Variants in TLL1 observed in about 807,000 individuals in gnomAD.
The protein encoded by TLL1 is tolloid-like protein 1.
TLL1 carries 49 observed loss-of-function variants against 128.2 expected under a neutral mutation model. The observed-to-expected ratio is 0.38, with a 90% confidence interval of 0.30 to 0.48. TLL1 has a LOEUF of 0.48. Among genes scored for constraint, TLL1 ranks in the 20% least tolerant of loss-of-function variants. The probability of loss-of-function intolerance (pLI) is 0.96; values close to 1 mark genes in which losing one functional copy is unlikely to be tolerated. For missense variants in TLL1, 1,123 were observed against 1,242.0 expected (o/e 0.90, Z 1.44); for synonymous variants, 454 against 418.8 (o/e 1.08, Z -1.03).
chr4:166,014,073 A>G (rs1217228508), intron 7 of TLL1, among the ~76,000 whole-genome samples: 1 of 151,918 alleles, frequency 6.6e-6, no homozygotes, highest in Non-Finnish European at 1.5e-5. Context: ...ATAGACCTCT[A>G]TGAGGAATCA....
chr4:165,907,434 G>A (rs952670487), intron 1 of TLL1, among the ~76,000 whole-genome samples: 4 of 152,154 alleles, frequency 2.6e-5, no homozygotes, highest in African/African-American at 9.7e-5. Flanking sequence ...GGAATTAAAA[G>A]GGTAGCTTGT....
chr4:166,081,174 C>T (rs1176394412), intron 18 of TLL1, among the ~76,000 whole-genome samples: 1 of 152,120 alleles, frequency 6.6e-6, no homozygotes, highest in Non-Finnish European at 1.5e-5. Context: ...GCATTTGATC[C>T]TGAATCCAGG....
Position 165,968,390 on chromosome 4 carries a change from A to G in TLL1, c.170-20991A>G, listed in dbSNP as rs73863511. Reference sequence around the variant, plus strand: ...AAGGATTTCAGAATACACTTTTTCTATTCCTATTGCCAATTCTGAATTCTT... The same window carrying G: ...AAGGATTTCAGAATACACTTTTTCTGTTCCTATTGCCAATTCTGAATTCTT... On this transcript the variant is annotated intron_variant, in intron 1 of 20. Coordinates refer to ENST00000061240, the MANE Select transcript of TLL1 (RefSeq NM_012464.5). Among the ~76,000 whole-genome samples the G allele has an allele frequency of 5.2e-3, 790 of 152,318 alleles. 12 individuals are homozygous for G. The highest frequency in any genetic ancestry group is 0.018 in the African/African-American group (735 of 41,576).
chr4:166,100,147 T>C (rs1287849483), intron 20 of TLL1, among the ~76,000 whole-genome samples: 4 of 152,138 alleles, frequency 2.6e-5, no homozygotes, highest in Non-Finnish European at 4.4e-5. Flanking sequence ...TTAATATTTA[T>C]ATATTTATAG....
At chr4:166,067,240 T>C (rs1330609685) in intron 16 of TLL1, among the ~76,000 whole-genome samples, 1 of 151,806 alleles carries the variant, frequency 6.6e-6, no homozygotes, top group African/African-American at 2.4e-5. Flanking sequence ...TAGTCATATA[T>C]TTAATTTTAA....
At chr4:166,086,117 C>T (rs1393495267) in intron 18 of TLL1, among the ~76,000 whole-genome samples, 1 of 152,004 alleles carries the variant, frequency 6.6e-6, no homozygotes, top group Non-Finnish European at 1.5e-5. Context: ...CCTATGTGCC[C>T]TTTGTGAGAT....
intron 7 of TLL1, 68 bp from the exon 8 acceptor site, chr4:166,014,368 A>T: frequency 6.2e-7 from 1 of 1,606,670 alleles, no homozygotes; most frequent in Non-Finnish European, 8.5e-7. Context: ...TAAATACCTT[A>T]TAAATGTAAG....
At chr4:165,956,371 A>C (rs1734791262) in intron 1 of TLL1, among the ~76,000 whole-genome samples, 1 of 152,008 alleles carries the variant, frequency 6.6e-6, no homozygotes, top group Non-Finnish European at 1.5e-5. Flanking sequence ...CCTTATCTCA[A>C]CCACGTAAGA....
At chr4:165,984,528 C>T (rs921254752) in intron 1 of TLL1, among the ~76,000 whole-genome samples, 2 of 151,980 alleles carry the variant, frequency 1.3e-5, no homozygotes, top group Non-Finnish European at 2.9e-5. Flanking sequence ...TGAGCAAGAC[C>T]GGTCAGAGCA....
At chr4:165,893,416 T>G (rs1448749634) in intron 1 of TLL1, among the ~76,000 whole-genome samples, 1 of 152,188 alleles carries the variant, frequency 6.6e-6, no homozygotes, top group African/African-American at 2.4e-5. Context: ...CGTTGAGGAA[T>G]CCAGGCAGAG....
intron 1 of TLL1, among the ~76,000 whole-genome samples, chr4:165,982,969 A>G (rs1223720779): frequency 6.6e-6 from 1 of 151,870 alleles, no homozygotes; most frequent in Non-Finnish European, 1.5e-5. Context: ...ATATAAATAA[A>G]CTAAATCTTG....
chr4:166,092,475 G>A (rs1318313583), intron 19 of TLL1, among the ~76,000 whole-genome samples: 1 of 151,848 alleles, frequency 6.6e-6, no homozygotes, highest in East Asian at 1.9e-4. Flanking sequence ...ATCTTACATG[G>A]ACCAGAGAAA....
intron 1 of TLL1, among the ~76,000 whole-genome samples, chr4:165,900,584 G>A (rs1731936981): frequency 6.6e-6 from 1 of 152,190 alleles, no homozygotes; most frequent in Admixed American, 6.5e-5. Flanking sequence ...CTGGCTTGCA[G>A]GGTTTCTGCA....
chr4:165,884,108 A>G (rs184958486), intron 1 of TLL1, among the ~76,000 whole-genome samples: 223 of 152,316 alleles, frequency 1.5e-3, no homozygotes, highest in Non-Finnish European at 2.5e-3. Context: ...ATTTTTGAAC[A>G]TTCTTATGAA....
At chr4:165,936,206 A>ATTTTTTTTT (rs199985086) in intron 1 of TLL1, among the ~76,000 whole-genome samples, 1 of 139,602 alleles carries the variant, frequency 7.2e-6, no homozygotes, top group Non-Finnish European at 1.5e-5. Flanking sequence ...ATATATATAT[A>ATTTTTTTTT]TTTTTTTTTC....
chr4:165,972,614 C>G (rs1735677305), intron 1 of TLL1, among the ~76,000 whole-genome samples: 1 of 152,140 alleles, frequency 6.6e-6, no homozygotes, highest in South Asian at 2.1e-4. Flanking sequence ...TATTTTACTC[C>G]TTGGACACCA....
At chr4:166,050,871 A>T (rs1333009751) in intron 12 of TLL1, among the ~76,000 whole-genome samples, 1 of 152,086 alleles carries the variant, frequency 6.6e-6, no homozygotes. Flanking sequence ...AAAGATATGA[A>T]CCCTCAGTAG....
chr4:166,069,082 C>T (rs1740700666), intron 16 of TLL1, among the ~76,000 whole-genome samples: 1 of 151,742 alleles, frequency 6.6e-6, no homozygotes, highest in African/African-American at 2.4e-5. Flanking sequence ...CATGTTTCCA[C>T]CTATTACTGT....
rs533789226 is a variant in TLL1 at position 165,882,364 on chromosome 4, C to T, written c.169+8291C>T. ...ATTCCTGCTTGTACTTGTTTCCTAA[C>T]AAGTGGTAGAACAAAATCTGGTAAA... On this transcript the variant is annotated intron_variant, in intron 1 of 20. Coordinates refer to ENST00000061240, the MANE Select transcript of TLL1 (RefSeq NM_012464.5). Among the ~76,000 whole-genome samples the T allele has an allele frequency of 2.0e-5, 3 of 152,212 alleles. 1 individual carries two copies. In the South Asian group the frequency reaches 6.2e-4, roughly 32 times the overall value.
Sources: gnomAD v4.1 joint callset for allele counts (sites outside exome capture counted in the v4.1 genomes callset) on GRCh38, gnomAD v4.1.1 for gene constraint, MANE v1.5 for transcripts, NCBI Gene and HGNC (gene_info 2026-07-23, HGNC 2026-07-21) for gene names.